Variants in LRRFIP1 observed in about 807,000 individuals in gnomAD.
LRRFIP1 encodes leucine-rich repeat flightless-interacting protein 1.
In LRRFIP1, 62 loss-of-function variants were observed where a neutral mutation model predicts 104.4. That is an observed-to-expected ratio of 0.59 (90% CI 0.48 to 0.73). The LOEUF (loss-of-function observed/expected upper bound fraction) is 0.73, where lower values mean the gene tolerates loss of function less well. LRRFIP1 is among the 30% of genes least tolerant of loss of function. LRRFIP1 has a pLI of 0.00. For missense variants in LRRFIP1, 796 were observed against 824.5 expected, an observed-to-expected ratio of 0.97 and a Z score of 0.42; for synonymous variants, 300 against 299.0, an observed-to-expected ratio of 1.00 and a Z score of -0.03.
chr2:237,781,398 T>G lies in LRRFIP1; in HGVS notation c.*1866T>G, dbSNP rs1395655772. Among the ~76,000 whole-genome samples, 1 of 152,224 alleles carries G rather than the reference T, an allele frequency of 6.6e-6. No homozygotes were observed. Among genetic ancestry groups the G allele is most frequent in the Non-Finnish European group, 1.5e-5 (1 of 68,028 alleles). ...GGACCCAGGGTCCAGGAAGGTGAAC[T>G]GGCAGAAGTCTCCCAGCTGGTAGAA... On this transcript the variant is annotated 3_prime_UTR_variant, in exon 24 of 24. Transcript: ENST00000308482.
At chr2:237,700,356 T>C (rs2093446912) in intron 1 of LRRFIP1, among the ~76,000 whole-genome samples, 1 of 152,126 alleles carries the variant, frequency 6.6e-6, no homozygotes, top group Non-Finnish European at 1.5e-5. Flanking sequence ...AAACTGGCCT[T>C]TGTGGCCACT....
intron 11 of LRRFIP1, 140 bp from the exon 12 acceptor site, chr2:237,748,224 G>A (rs1220826032): frequency 2.8e-6 from 2 of 704,090 alleles, no homozygotes; most frequent in Non-Finnish European, 5.0e-6. Context: ...GCTAAATTTG[G>A]AGTGTCCCAT....
chr2:237,748,243 T>C (rs1576201664), intron 11 of LRRFIP1, 121 bp from the exon 12 acceptor site: 1 of 815,470 alleles, frequency 1.2e-6, no homozygotes, highest in Non-Finnish European at 2.0e-6. Context: ...ATTTTTCTGC[T>C]TCTAAATTAC....
At chr2:237,653,883 C>G (rs2086350617) in intron 1 of LRRFIP1, among the ~76,000 whole-genome samples, 1 of 152,146 alleles carries the variant, frequency 6.6e-6, no homozygotes. Flanking sequence ...AAATGTAAGA[C>G]CTGAAACTAT....
intron 21 of LRRFIP1, chr2:237,772,590 C>T: frequency 1.9e-6 from 1 of 529,332 alleles, no homozygotes; most frequent in South Asian, 2.6e-5. Context: ...CCGCCCTTTT[C>T]CCTACCCCCT....
intron 1 of LRRFIP1, among the ~76,000 whole-genome samples, chr2:237,653,339 CATG>C (rs1660093147): frequency 6.6e-6 from 1 of 152,016 alleles, no homozygotes; most frequent in Middle Eastern, 3.2e-3. Flanking sequence ...AACTACAAAA[CATG>C]ATGAAAAAAA....
At chr2:237,778,972 C>G (rs1042865820) in intron 23 of LRRFIP1, among the ~76,000 whole-genome samples, 2 of 151,900 alleles carry the variant, frequency 1.3e-5, no homozygotes, top group Non-Finnish European at 2.9e-5. Context: ...GCCTGTAATC[C>G]CAGCACTTTG....
chr2:237,763,676 A>G, intron 19 of LRRFIP1: 1 of 1,614,208 alleles, frequency 6.2e-7, no homozygotes, highest in Non-Finnish European at 8.5e-7. Flanking sequence ...GTTGGATGGA[A>G]AACTTGACCA....
chr2:237,723,430 T>C lies in LRRFIP1; in HGVS notation c.346-118T>C, dbSNP rs1156401932. ...TTAGATCCTAGAAATTATGGAAAAATGCATTTTTGTTAAGATTTTAAAGAT... is the reference window on the plus strand; with the variant it reads ...TTAGATCCTAGAAATTATGGAAAAACGCATTTTTGTTAAGATTTTAAAGAT... On this transcript the variant is annotated intron_variant, in intron 6 of 23. Coordinates refer to ENST00000308482, the MANE Select transcript of LRRFIP1 (RefSeq NM_001137550.2). 23 of 987,364 alleles carry C rather than the reference T, an allele frequency of 2.3e-5. No homozygotes were observed. The East Asian group carries it at 5.2e-4, about 22-fold the overall frequency. 61.2% of individuals were successfully genotyped at this position (987,364 alleles called of 1,614,324 possible).
At chr2:237,733,317 G>A (rs1488994599) in intron 8 of LRRFIP1, among the ~76,000 whole-genome samples, 1 of 152,224 alleles carries the variant, frequency 6.6e-6, no homozygotes, top group Non-Finnish European at 1.5e-5. Context: ...CTTGAAGACT[G>A]TCGCTGGGCC....
intron 11 of LRRFIP1, among the ~76,000 whole-genome samples, chr2:237,744,668 G>A (rs759302440): frequency 1.8e-4 from 27 of 152,274 alleles, no homozygotes; most frequent in Non-Finnish European, 3.1e-4. Flanking sequence ...GATTTTCAAT[G>A]ATGTCTGTAT....
chr2:237,681,889 T>C (rs977867590), intron 1 of LRRFIP1, among the ~76,000 whole-genome samples: 3 of 151,286 alleles, frequency 2.0e-5, no homozygotes, highest in East Asian at 1.9e-4. Context: ...CCGTTTTAGC[T>C]GGGATGGTCT....
intron 11 of LRRFIP1, among the ~76,000 whole-genome samples, chr2:237,742,996 A>G (rs1422466241): frequency 6.6e-6 from 1 of 151,532 alleles, no homozygotes; most frequent in African/African-American, 2.4e-5. Flanking sequence ...GGGTCATGAT[A>G]CCCTTAAAAA....
At chr2:237,758,215 C>T (rs2059484044) in intron 17 of LRRFIP1, among the ~76,000 whole-genome samples, 1 of 145,552 alleles carries the variant, frequency 6.9e-6, no homozygotes, top group Non-Finnish European at 1.5e-5. Flanking sequence ...CGCTCATCAG[C>T]ACTTAGGAGT....
At chr2:237,743,111 C>G (rs2057343718) in intron 11 of LRRFIP1, among the ~76,000 whole-genome samples, 1 of 152,114 alleles carries the variant, frequency 6.6e-6, no homozygotes, top group Non-Finnish European at 1.5e-5. Flanking sequence ...GTAGCGAGAG[C>G]TCATGGGAAA....
At position 237,725,083 on chromosome 2, in the gene LRRFIP1, A is replaced by G. The variant is rs553702106; in HGVS notation, c.384+1497A>G. ...GGACTAGTCACAAGTTACCGTTTTC[A>G]TAGGGCATTTACCCTTGTATCTTAT... is the stretch of plus-strand genomic sequence containing the variant. On this transcript the variant is annotated intron_variant, in intron 7 of 23. Transcript: ENST00000308482. 1.3e-5 allele frequency among the ~76,000 whole-genome samples: 2 copies of G among 152,250 alleles called. 1 individual carries two copies. Among genetic ancestry groups the G allele is most frequent in the African/African-American group, 4.8e-5 (2 of 41,466 alleles).
chr2:237,721,097 C>T, intron 6 of LRRFIP1: 1 of 388,876 alleles, frequency 2.6e-6, no homozygotes, highest in East Asian at 4.4e-5. Context: ...AGCTCCCAAG[C>T]CTTGATTAGC....
Position 237,774,380 on chromosome 2 carries a change from T to C in LRRFIP1, c.1730T>C (p.Val577Ala). 1 of 1,613,142 alleles carries C rather than the reference T, an allele frequency of 6.2e-7. No individual in the cohort carries two copies. Among genetic ancestry groups the C allele is most frequent in the Non-Finnish European group, 8.5e-7 (1 of 1,179,202 alleles). Reference protein sequence around the residue: ...EQNVIRLESQVSRYKSAAENA... With the variant: ...EQNVIRLESQASRYKSAAENA... ...TAGGTAATAAGGTTAGAGAGTCAAG[T>C]ATCACGTTACAAATCAGCGGCTGAA... The change falls in exon 23 of 24, where the codon GTA (valine) becomes GCA (alanine). Residue 577 changes from valine (V) to alanine (A), a missense_variant. Transcript: ENST00000308482.
chr2:237,657,966 T>C (rs1011244029), intron 1 of LRRFIP1, among the ~76,000 whole-genome samples: 1 of 152,150 alleles, frequency 6.6e-6, no homozygotes, highest in Non-Finnish European at 1.5e-5. Flanking sequence ...AACCAAGAGA[T>C]AAGTGAAAGA....
Sources: gnomAD v4.1 joint callset for allele counts (sites outside exome capture counted in the v4.1 genomes callset) on GRCh38, gnomAD v4.1.1 for gene constraint, MANE v1.5 for transcripts, NCBI Gene and HGNC (gene_info 2026-07-23, HGNC 2026-07-21) for gene names.